Variants in NEBL observed in about 807,000 individuals in gnomAD.
NEBL encodes the protein LIM and SH3 protein 2.
In NEBL, 122 loss-of-function variants were observed where a neutral mutation model predicts 140.2. The observed-to-expected ratio is 0.87, with a 90% CI of 0.75 to 1.01. The LOEUF (loss-of-function observed/expected upper bound fraction) is 1.01, where lower values mean the gene tolerates loss of function less well. NEBL is among the 50% of genes least tolerant of loss of function. The probability of loss-of-function intolerance (pLI) is 0.00; values close to 1 mark genes in which losing one functional copy is unlikely to be tolerated. For synonymous variants in NEBL, 436 were observed against 398.9 expected (o/e 1.09, Z -1.11); for missense variants, 1,365 against 1,231.3 (o/e 1.11, Z -1.62).
chr10:20,814,647 TATC>T (rs1442579340), intron 22 of NEBL, among the ~76,000 whole-genome samples: 30 of 108,874 alleles, frequency 2.8e-4, no homozygotes, highest in African/African-American at 9.9e-4. Flanking sequence ...CACAACTGGT[TATC>T]ATATTTAAGT....
intron 2 of NEBL, among the ~76,000 whole-genome samples, chr10:21,105,071 C>T (rs1170647889): frequency 6.6e-6 from 1 of 152,062 alleles, no homozygotes; most frequent in Non-Finnish European, 1.5e-5. Flanking sequence ...TGGAAGAAAC[C>T]CCACTTGGCG....
intron 7 of NEBL, among the ~76,000 whole-genome samples, chr10:20,862,869 T>C (rs1220060997): frequency 2.6e-5 from 4 of 151,734 alleles, no homozygotes; most frequent in Admixed American, 6.5e-5. Context: ...CACCTTTTTT[T>C]ATTAATTTTT....
intron 9 of NEBL, 31 bp from the exon 10 acceptor site, chr10:20,852,680 A>G: frequency 6.7e-7 from 1 of 1,496,288 alleles, no homozygotes; most frequent in South Asian, 1.1e-5. Context: ...ATCAACTTAG[A>G]ATCAAAGAGA....
chr10:20,826,987 A>G (rs1789808559), intron 17 of NEBL, among the ~76,000 whole-genome samples: 1 of 152,202 alleles, frequency 6.6e-6, no homozygotes, highest in African/African-American at 2.4e-5. Flanking sequence ...TCTTCCAAGA[A>G]AATGTTAGCT....
chr10:21,227,711 TTTCTTC>T lies in NEBL; in HGVS notation n.348+20204_348+20209del, dbSNP rs796306558. ...CTTCTTCTTCTTCTTCTTCTTCTTCTTTCTTCTTCTTCTTCTTCTTCTTCTTCTTCT... is the reference window on the plus strand; with the variant it reads ...CTTCTTCTTCTTCTTCTTCTTCTTCTTTCTTCTTCTTCTTCTTCTTCTTCT... On this transcript the variant is annotated intron_variant and non_coding_transcript_variant, in intron 3 of 8. Coordinates refer to the NEBL transcript ENST00000675702. 7.7e-3 allele frequency among the ~76,000 whole-genome samples: 359 copies of T among 46,330 alleles called. 12 individuals carry two copies. Among genetic ancestry groups the T allele is most frequent in the Middle Eastern group, 0.019 (2 of 106 alleles). The allele number at this position is 46,330 out of a possible 152,430, so 30.4% of individuals were successfully genotyped here.
chr10:20,948,178 T>G lies in NEBL; in HGVS notation c.357+13494A>C, dbSNP rs111633784. ...ATCTTTTTTATGGAATTTAGAGTCT[T>G]TAATGGTTTGCATCTAACCCTGGAA... On this transcript the variant is annotated intron_variant, in intron 4 of 6. Coordinates refer to the NEBL transcript ENST00000417816. 6.9e-3 allele frequency among the ~76,000 whole-genome samples: 1,049 copies of G among 152,314 alleles called. 12 individuals carry two copies. Among genetic ancestry groups the G allele is most frequent in the African/African-American group, 0.024 (987 of 41,566 alleles).
intron 2 of NEBL, among the ~76,000 whole-genome samples, chr10:21,115,203 C>A (rs1018883995): frequency 8.6e-5 from 13 of 151,864 alleles, no homozygotes; most frequent in Non-Finnish European, 1.5e-5. Context: ...CCCTTCCTGG[C>A]CTTTGTGCTA....
intron 3 of NEBL, among the ~76,000 whole-genome samples, chr10:20,987,284 T>A (rs1837294106): frequency 6.6e-6 from 1 of 151,962 alleles, no homozygotes. Context: ...TTGAAGCCCC[T>A]CAAATGATAA....
intron 4 of NEBL, among the ~76,000 whole-genome samples, chr10:20,941,819 G>A (rs1834885589): frequency 6.6e-6 from 1 of 152,088 alleles, no homozygotes. Context: ...GCCAAATCAT[G>A]AGTGAAGTCC....
chr10:20,833,570 T>G (rs1419666819), intron 14 of NEBL, among the ~76,000 whole-genome samples: 1 of 151,988 alleles, frequency 6.6e-6, no homozygotes, highest in African/African-American at 2.4e-5. Flanking sequence ...CAATTTACAC[T>G]GGATGTGACT....
chr10:21,284,482 T>C (rs1843032238), intron 1 of NEBL, among the ~76,000 whole-genome samples: 1 of 146,596 alleles, frequency 6.8e-6, no homozygotes, highest in Admixed American at 6.8e-5. Flanking sequence ...AAATCCAAAC[T>C]CAATAGCCAT....
chr10:20,899,271 A>T, upstream of NEBL: 1 of 458,138 alleles, frequency 2.2e-6, no homozygotes, highest in Non-Finnish European at 3.8e-6. Context: ...CTAGGAGTGT[A>T]GGGAGAAAAT....
chr10:20,866,303 G>T (rs939541588), intron 7 of NEBL, among the ~76,000 whole-genome samples: 2 of 152,046 alleles, frequency 1.3e-5, no homozygotes, highest in East Asian at 3.9e-4. Flanking sequence ...GGTGGTGAGG[G>T]TAGCACAACA....
rs1564364231 is a variant in NEBL, at chr10:20,831,525, G to C, written c.1508C>G (p.Thr503Arg). ...EIKGKGMQVS[T>R]DTLDVQRAKK... ...AGCTCTCTGGACATCAAGAGTGTCT[G>C]TGCTCACCTGCATCCCTTTCCCTTT... The change falls in exon 15 of 28, where the codon ACA becomes AGA. Residue 503 changes from threonine to arginine, a missense_variant. Transcript: ENST00000377122. 1 of 1,612,218 alleles carries C rather than the reference G, an allele frequency of 6.2e-7. No homozygotes were observed. Among genetic ancestry groups the C allele is most frequent in the Non-Finnish European group, 8.5e-7 (1 of 1,179,456 alleles).
intron 3 of NEBL, among the ~76,000 whole-genome samples, chr10:21,236,603 C>A (rs1842354670): frequency 6.6e-6 from 1 of 152,144 alleles, no homozygotes; most frequent in South Asian, 2.1e-4. Context: ...CCCGCCTTGG[C>A]CTCCCAAAGT....
At chr10:21,125,999 G>A in intron 2 of NEBL, 7 of 1,614,226 alleles carry the variant, frequency 4.3e-6, no homozygotes, top group Non-Finnish European at 5.9e-6. Flanking sequence ...GGCTTGTAGA[G>A]ACTGAAGCTG....
intron 1 of NEBL, among the ~76,000 whole-genome samples, chr10:21,272,893 T>C (rs1193746420): frequency 6.6e-6 from 1 of 152,190 alleles, no homozygotes; most frequent in East Asian, 1.9e-4. Context: ...TGCCATAAAA[T>C]GGCAAGATAA....
chr10:21,029,054 A>C, intron 2 of NEBL: 1 of 985,418 alleles, frequency 1.0e-6, no homozygotes, highest in Non-Finnish European at 1.6e-6. Flanking sequence ...TCCCTAACAG[A>C]CTTTCTAGCT....
At chr10:20,981,000 G>A (rs988163849) in intron 3 of NEBL, among the ~76,000 whole-genome samples, 4 of 152,038 alleles carry the variant, frequency 2.6e-5, no homozygotes, top group Non-Finnish European at 5.9e-5. Flanking sequence ...ATGTTGCCCA[G>A]GCAGATCTCA....
Sources: gnomAD v4.1 joint callset for allele counts (sites outside exome capture counted in the v4.1 genomes callset) on GRCh38, gnomAD v4.1.1 for gene constraint, MANE v1.5 for transcripts, NCBI Gene and HGNC (gene_info 2026-07-23, HGNC 2026-07-21) for gene names.